The following RFC3 variants were observed in gnomAD, a reference collection of about 807,000 sequenced individuals.
The protein encoded by RFC3 is replication factor C subunit 3.
In RFC3, 41 loss-of-function variants were observed where a neutral mutation model predicts 45.1. The observed-to-expected ratio is 0.91, with a 90% CI of 0.71 to 1.18. The LOEUF is 1.18. RFC3 is among the 50% of genes most tolerant of loss of function. The pLI is 0.00. For synonymous variants in RFC3, 149 were observed against 144.0 expected (o/e 1.03, Z -0.25); for missense variants, 423 against 428.1 (o/e 0.99, Z 0.10).
chr13:33,896,169 A>G (rs2082597065), intron 8 of RFC3, among the ~76,000 whole-genome samples: 2 of 151,202 alleles, frequency 1.3e-5, no homozygotes, highest in South Asian at 4.1e-4. Flanking sequence ...ACAAAGAAAT[A>G]TATATATATG....
At chr13:33,893,421 G>A (rs1386654765) in intron 8 of RFC3, among the ~76,000 whole-genome samples, 2 of 151,920 alleles carry the variant, frequency 1.3e-5, no homozygotes, top group African/African-American at 2.4e-5. Context: ...AAAGAAGACT[G>A]AAATAAATAA....
intron 8 of RFC3, among the ~76,000 whole-genome samples, chr13:33,948,390 G>A (rs2082967723): frequency 6.6e-6 from 1 of 152,224 alleles, no homozygotes; most frequent in East Asian, 1.9e-4. Flanking sequence ...ACGCTTGGAT[G>A]TTCAGGCACA....
intron 8 of RFC3, among the ~76,000 whole-genome samples, chr13:33,910,139 T>C (rs1038703245): frequency 6.6e-5 from 10 of 152,146 alleles, no homozygotes; most frequent in Admixed American, 6.6e-5. Flanking sequence ...GTTTATTCAT[T>C]CAACTACTTA....
chr13:33,964,054 G>T (rs1030357016), intron 8 of RFC3, among the ~76,000 whole-genome samples: 7 of 152,150 alleles, frequency 4.6e-5, no homozygotes, highest in Non-Finnish European at 1.0e-4. Flanking sequence ...AGGGCTGTTT[G>T]CTCTGCTGCT....
chr13:33,890,516 A>G (rs2082557001), intron 8 of RFC3, among the ~76,000 whole-genome samples: 1 of 152,216 alleles, frequency 6.6e-6, no homozygotes, highest in Non-Finnish European at 1.5e-5. Flanking sequence ...GAGCAATCGT[A>G]TTGACCCAGT....
At chr13:33,850,365 TA>T (rs2082268661) in intron 8 of RFC3, 2 of 152,168 alleles carry the variant, frequency 1.3e-5, no homozygotes, top group Admixed American at 6.5e-5. Context: ...ATGTAAAGGA[TA>T]TTTTTAATTT....
At chr13:33,896,648 G>T (rs547132442) in intron 8 of RFC3, among the ~76,000 whole-genome samples, 15 of 137,854 alleles carry the variant, frequency 1.1e-4, no homozygotes, top group Middle Eastern at 4.0e-3. Context: ...GGAGGCAGAG[G>T]TTGCAGTGAG....
chr13:33,853,235 A>C (rs75650368), intron 8 of RFC3, among the ~76,000 whole-genome samples: 3 of 152,110 alleles, frequency 2.0e-5, no homozygotes, highest in Non-Finnish European at 2.9e-5. Flanking sequence ...TAGAATCCCA[A>C]ATTGGCTCTG....
rs550212880 is a variant in RFC3, at chr13:33,819,011, C to G, written c.87+746C>G. 1.0e-3 allele frequency among the ~76,000 whole-genome samples: 159 copies of G among 151,874 alleles called. 1 individual carries two copies. The highest frequency in any genetic ancestry group is 1.8e-3 in the Non-Finnish European group (125 of 67,938). ...GTTCAAGCGATTCTCCTGCCTCAGC[C>G]TCCCGAGTAGCTGGGATTACAGGCG... On this transcript the variant is annotated intron_variant, in intron 1 of 8. Transcript: ENST00000380071.
intron 8 of RFC3, among the ~76,000 whole-genome samples, chr13:33,938,854 A>G (rs2082905475): frequency 6.6e-6 from 1 of 152,142 alleles, no homozygotes; most frequent in African/African-American, 2.4e-5. Context: ...TTCCAAAGTG[A>G]TTATACAAAT....
At chr13:33,900,748 C>A (rs9570556) in intron 8 of RFC3, among the ~76,000 whole-genome samples, 10,377 of 150,540 alleles carry the variant, frequency 0.069, 565 homozygotes, top group African/African-American at 0.15. Flanking sequence ...AGACAACCCA[C>A]AGAATGGGAG....
intron 8 of RFC3, among the ~76,000 whole-genome samples, chr13:33,916,158 A>T (rs563824705): frequency 1.3e-5 from 2 of 152,314 alleles, no homozygotes; most frequent in South Asian, 4.1e-4. Context: ...TGTGAGGAAC[A>T]TGCTTGCTTG....
At chr13:33,878,783 C>T (rs1354808666) in intron 8 of RFC3, among the ~76,000 whole-genome samples, 1 of 152,134 alleles carries the variant, frequency 6.6e-6, no homozygotes, top group African/African-American at 2.4e-5. Flanking sequence ...ATGAGCTTAT[C>T]TGCTGCTTGG....
Position 33,821,213 on chromosome 13 carries a change from C to T in RFC3, c.169C>T (p.Arg57Cys), listed in dbSNP as rs372320843. 36 of 1,613,316 alleles carry T rather than the reference C, an allele frequency of 2.2e-5. No homozygotes were observed. Among genetic ancestry groups the T allele is most frequent in the African/African-American group, 9.4e-5 (7 of 74,812 alleles). ...GKKTRIMCILRELYGVGVEKL... is the reference protein window; with the variant it reads ...GKKTRIMCILCELYGVGVEKL... ...AAAGACAAGAATTATGTGTATTCTA[C>T]GTGAACTTTATGGTGTTGGAGTGGA... Residue 57 changes from arginine to cysteine, a missense_variant, in exon 2 of 9, where the codon CGT becomes TGT. Physicochemically the swap from Arg to Cys is radical, Grantham distance 180. Coordinates refer to ENST00000380071, the MANE Select transcript of RFC3 (RefSeq NM_002915.4).
At chr13:33,971,407 T>C (rs150881590), downstream of RFC3, among the ~76,000 whole-genome samples, 722 of 152,390 alleles carry the variant, frequency 4.7e-3, 4 homozygotes, top group Non-Finnish European at 7.4e-3. Flanking sequence ...TCACTCAAGA[T>C]TATTTTTGAA....
intron 5 of RFC3, 48 bp from the exon 6 acceptor site, chr13:33,830,671 T>C (rs1388295625): frequency 4.0e-6 from 6 of 1,516,258 alleles, no homozygotes; most frequent in Non-Finnish European, 5.4e-6. Context: ...AAATGAATCT[T>C]AATCTGCTTT....
intron 8 of RFC3, among the ~76,000 whole-genome samples, chr13:33,888,766 G>C (rs892308328): frequency 2.1e-5 from 3 of 140,352 alleles, no homozygotes; most frequent in Non-Finnish European, 3.1e-5. Context: ...TTTTTTTTGA[G>C]ATGGAATCTT....
intron 1 of RFC3, among the ~76,000 whole-genome samples, chr13:33,820,293 C>T (rs918950265): frequency 1.3e-5 from 2 of 152,236 alleles, no homozygotes; most frequent in Non-Finnish European, 2.9e-5. Context: ...TAACTTTGTA[C>T]ATCTGTACTT....
chr13:33,860,131 C>T (rs530871032), intron 8 of RFC3, among the ~76,000 whole-genome samples: 1 of 152,280 alleles, frequency 6.6e-6, no homozygotes, highest in African/African-American at 2.4e-5. Flanking sequence ...GGATCTTGGA[C>T]TTGCAGCCTC....
Sources: gnomAD v4.1 joint callset for allele counts (sites outside exome capture counted in the v4.1 genomes callset) on GRCh38, gnomAD v4.1.1 for gene constraint, MANE v1.5 for transcripts, NCBI Gene and HGNC (gene_info 2026-07-23, HGNC 2026-07-21) for gene names.